The following FRMPD3 variants were observed in gnomAD, a reference collection of about 807,000 sequenced individuals.
The protein encoded by FRMPD3 is FERM and PDZ domain containing 3.
Under a neutral mutation model 97.9 loss-of-function variants are expected in FRMPD3, and 42 were observed. The ratio of observed to expected loss-of-function variants is 0.43; its 90% CI spans 0.34 to 0.55. FRMPD3 has a LOEUF of 0.55. FRMPD3 is among the 20% of genes least tolerant of loss of function. FRMPD3 has a pLI of 0.03. For synonymous variants in FRMPD3, 577 were observed against 581.1 expected (o/e 0.99, Z 0.10); for missense variants, 1,303 against 1,457.7 (o/e 0.89, Z 1.73).
intron 1 of FRMPD3, among the ~76,000 whole-genome samples, chrX:107,470,850 G>A (rs766303991): frequency 1.8e-5 from 2 of 112,290 alleles, no homozygotes; most frequent in South Asian, 7.5e-4. Context: ...CAAAAGTGTT[G>A]GGTACCTAAA....
chrX:107,523,973 T>A (rs1156961789), intron 1 of FRMPD3, among the ~76,000 whole-genome samples: 2 of 112,153 alleles, frequency 1.8e-5, no homozygotes, highest in East Asian at 5.6e-4. Flanking sequence ...TCCCAAGTGC[T>A]TCTGCAGCAC....
rs1924433621 is a variant in FRMPD3 at position 107,600,388 on chromosome X, AG to A, written c.2350del (p.Glu784ArgfsTer2). ...ACTCTTCAGAGCTCACAGACATGTC[AG>A]AGATGATGTCGGCCATGAAGCAGCA... Reference protein sequence around the residue: ...TNSSELTDMSEMMSAMKQHQN... With the variant: ...TNSSELTDMSXMMSAMKQHQN... On this transcript the variant is annotated frameshift_variant, in exon 15 of 15. Coordinates refer to ENST00000683843, the MANE Select transcript of FRMPD3 (RefSeq NM_001388459.1). LOFTEE classifies it high-confidence loss of function. 8.3e-7 allele frequency: 1 copy of A among 1,209,064 alleles called. No homozygotes were observed. The highest frequency in any genetic ancestry group is 1.8e-5 in the African/African-American group (1 of 57,134).
chrX:107,455,450 G>A (rs758720419), intron 1 of FRMPD3, among the ~76,000 whole-genome samples: 1 of 111,357 alleles, frequency 9.0e-6, no homozygotes, highest in African/African-American at 3.3e-5. Flanking sequence ...AGCTACTCGG[G>A]ACTACAGAGA....
chrX:107,492,805 T>G (rs1921691390), intron 1 of FRMPD3, among the ~76,000 whole-genome samples: 1 of 111,986 alleles, frequency 8.9e-6, no homozygotes, highest in African/African-American at 3.2e-5. Context: ...TGAAGACTAG[T>G]GTTCCCTGGA....
intron 1 of FRMPD3, among the ~76,000 whole-genome samples, chrX:107,518,886 G>A (rs758646574): frequency 1.8e-4 from 20 of 112,477 alleles, no homozygotes; most frequent in Admixed American, 2.8e-4. Flanking sequence ...TGGACTATTA[G>A]TCTTAAAAGG....
intron 1 of FRMPD3, among the ~76,000 whole-genome samples, chrX:107,506,958 A>G (rs1213813429): frequency 9.0e-6 from 1 of 110,759 alleles, no homozygotes; most frequent in Non-Finnish European, 1.9e-5. Flanking sequence ...AGGCAACGAG[A>G]GGGTTCCCGG....
In FRMPD3 at chrX:107,545,784, G is replaced by A. The variant is rs1318925892; in HGVS notation, c.345G>A (p.Arg115=). The A allele has an allele frequency of 2.5e-6, 3 of 1,208,745 alleles. No homozygotes were observed. In the African/African-American group the frequency reaches 5.2e-5, roughly 21 times the overall value. ...FISAAKKAKL[R]SNPVKVRFSE... is the part of the protein sequence containing the mutation. ...GTGCTGCGAAGAAGGCCAAGTTGAG[G>A]TCCAATCCTGTGAAGGTTCGATTTT... The change falls in exon 5 of 15, where the codon AGG becomes AGA. Residue 115 remains arginine, a synonymous_variant. Transcript: ENST00000683843.
intron 13 of FRMPD3, among the ~76,000 whole-genome samples, chrX:107,589,552 G>A (rs1230148227): frequency 1.8e-5 from 2 of 110,698 alleles, no homozygotes; most frequent in Non-Finnish European, 3.8e-5. Context: ...CTACTAGTCA[G>A]TTCTGATGAG....
intron 13 of FRMPD3, 60 bp downstream of exon 13, chrX:107,576,519 T>A: frequency 8.7e-7 from 1 of 1,149,289 alleles, no homozygotes; most frequent in Non-Finnish European, 1.2e-6. Flanking sequence ...CCTGAAGACA[T>A]GGAGGGAAGA....
intron 13 of FRMPD3, among the ~76,000 whole-genome samples, chrX:107,593,642 T>C (rs998250566): frequency 8.9e-6 from 1 of 111,917 alleles, no homozygotes; most frequent in Non-Finnish European, 1.9e-5. Flanking sequence ...CACCATTTGT[T>C]GAAAAGGGTG....
At chrX:107,500,281 G>C (rs138558743) in intron 1 of FRMPD3, among the ~76,000 whole-genome samples, 2 of 111,471 alleles carry the variant, frequency 1.8e-5, no homozygotes, top group Non-Finnish European at 3.8e-5. Context: ...GGGCCCTTCA[G>C]GTCCAGGGTT....
intron 1 of FRMPD3, among the ~76,000 whole-genome samples, chrX:107,467,897 C>T (rs1931602481): frequency 8.9e-6 from 1 of 111,920 alleles, no homozygotes; most frequent in Admixed American, 9.5e-5. Flanking sequence ...TTTCCTTCAA[C>T]ATATATTGAT....
At chrX:107,490,059 C>T (rs1357344850) in intron 1 of FRMPD3, among the ~76,000 whole-genome samples, 2 of 111,958 alleles carry the variant, frequency 1.8e-5, no homozygotes, top group African/African-American at 3.2e-5. Context: ...TACATATGGC[C>T]AGCCAGTTTT....
chrX:107,601,917 G>A lies in FRMPD3; in HGVS notation c.3878G>A (p.Arg1293His), dbSNP rs780723124. 6.7e-6 allele frequency: 8 copies of A among 1,189,287 alleles called. No homozygotes were observed. Among genetic ancestry groups the A allele is most frequent in the African/African-American group, 3.5e-5 (2 of 57,051 alleles). The change falls in exon 15 of 15, where the codon CGT (arginine) becomes CAT (histidine). Residue 1293 changes from arginine to histidine, a missense_variant. Physicochemically the swap from Arg to His is conservative, Grantham distance 29. Around this residue, in one of 3 missense-constraint regions of FRMPD3, gnomAD observed 764 missense variants for 820.2 expected, o/e 0.93. Coordinates refer to ENST00000683843, the MANE Select transcript of FRMPD3 (RefSeq NM_001388459.1). ...GTGCAGCAGGGGCCTGGCATGTCCC[G>A]TGAGCAGAGGCGCAGCTGTGACTGC... is the stretch of plus-strand genomic sequence containing the variant. ...SPVQQGPGMSREQRRSCDCKR... is the reference protein window; with the variant it reads ...SPVQQGPGMSHEQRRSCDCKR...
intron 1 of FRMPD3, among the ~76,000 whole-genome samples, chrX:107,502,209 G>A (rs974098557): frequency 1.8e-5 from 2 of 110,754 alleles, no homozygotes; most frequent in African/African-American, 6.6e-5. Flanking sequence ...GCAGGGAGAA[G>A]GATGTGGAAT....
chrX:107,453,857 C>T (rs1172013925), intron 1 of FRMPD3, among the ~76,000 whole-genome samples: 3 of 112,010 alleles, frequency 2.7e-5, no homozygotes, highest in African/African-American at 9.7e-5. Flanking sequence ...CACTAGTGCC[C>T]AATCCCTGGT....
At chrX:107,485,486 A>G (rs765853356) in intron 1 of FRMPD3, among the ~76,000 whole-genome samples, 23 of 112,825 alleles carry the variant, frequency 2.0e-4, no homozygotes, top group African/African-American at 7.1e-4. Flanking sequence ...TTATTCAACC[A>G]CGTTAGAAAA....
intron 13 of FRMPD3, among the ~76,000 whole-genome samples, chrX:107,577,992 G>A (rs1337343550): frequency 8.9e-6 from 1 of 111,878 alleles, no homozygotes; most frequent in Non-Finnish European, 1.9e-5. Context: ...GTCTCCAGGT[G>A]AACAGCTCTG....
At chrX:107,515,031 GT>G (rs760116434) in intron 1 of FRMPD3, among the ~76,000 whole-genome samples, 1 of 111,939 alleles carries the variant, frequency 8.9e-6, no homozygotes, top group African/African-American at 3.2e-5. Context: ...CAAGAGTTCA[GT>G]TTTGGACATG....
Sources: gnomAD v4.1 joint callset for allele counts (sites outside exome capture counted in the v4.1 genomes callset) on GRCh38, gnomAD v4.1.1 for gene constraint, gnomAD v4.1.1 regional missense constraint, MANE v1.5 for transcripts, NCBI Gene and HGNC (gene_info 2026-07-23, HGNC 2026-07-21) for gene names.